PROCR: variants seen among roughly 807,000 people sequenced by gnomAD.
The protein encoded by PROCR is endothelial protein C receptor.
In PROCR, 22 loss-of-function variants were observed where a neutral mutation model predicts 24.2. That is an observed-to-expected ratio of 0.91 (90% CI 0.65 to 1.30). The LOEUF is 1.30. Among genes scored for constraint, PROCR ranks in the 50% most tolerant of loss-of-function variants. The pLI is 0.00. For missense variants in PROCR, 288 were observed against 307.7 expected (o/e 0.94, Z 0.48); for synonymous variants, 137 against 139.2 (o/e 0.98, Z 0.11).
In PROCR at chr20:35,176,459, G is replaced by C; in HGVS notation, c.601+13G>C. 6.2e-7 allele frequency: 1 copy of C among 1,612,810 alleles called. No homozygotes were observed. Among genetic ancestry groups the C allele is most frequent in the Non-Finnish European group, 8.5e-7 (1 of 1,179,218 alleles). ...GAAAACACGAAAGGTATGATGGGAC[G>C]GGGCCCAGGCCTGCAAGCTGGGGAG... On this transcript the variant is annotated intron_variant, in intron 3 of 3. Transcript: ENST00000216968.
chr20:35,176,151 T>G lies in PROCR; in HGVS notation c.323-17T>G. 1 of 1,612,098 alleles carries G rather than the reference T, an allele frequency of 6.2e-7. No homozygotes were observed. Among genetic ancestry groups the G allele is most frequent in the Non-Finnish European group, 8.5e-7 (1 of 1,178,250 alleles). On this transcript the variant is annotated splice_polypyrimidine_tract_variant and intron_variant, in intron 2 of 3. Coordinates refer to ENST00000216968, the MANE Select transcript of PROCR (RefSeq NM_006404.5). ...CCCTCTCTGCACAGTCCCCTGACCC[T>G]GACTGTCTATCCACAGTTCCTCTGA...
At chr20:35,191,151 G>A (rs559875776) in intron 1 of PROCR, among the ~76,000 whole-genome samples, 77 of 152,230 alleles carry the variant, frequency 5.1e-4, no homozygotes, top group African/African-American at 1.8e-3. Flanking sequence ...GAACCACCGT[G>A]CCCAGCAATC....
intron 1 of PROCR, among the ~76,000 whole-genome samples, chr20:35,207,796 C>T (rs990696778): frequency 2.6e-5 from 4 of 152,116 alleles, no homozygotes; most frequent in Non-Finnish European, 4.4e-5. Context: ...TCCCAAAGTG[C>T]TGGGATTACA....
At chr20:35,174,264 C>T in intron 1 of PROCR, 1 of 228,718 alleles carries the variant, frequency 4.4e-6, no homozygotes, top group East Asian at 1.0e-4. Context: ...GAATAGAGAA[C>T]GGGGAGATGA....
intron 1 of PROCR, among the ~76,000 whole-genome samples, chr20:35,206,991 C>G (rs2180568): frequency 0.41 from 62,436 of 152,016 alleles, 13,543 homozygotes; most frequent in East Asian, 0.64. Flanking sequence ...CCATACAATA[C>G]ACTACTACTC....
At chr20:35,214,721 A>AT (rs2060375112) in intron 1 of PROCR, among the ~76,000 whole-genome samples, 1 of 151,478 alleles carries the variant, frequency 6.6e-6, no homozygotes, top group African/African-American at 2.4e-5. Flanking sequence ...AAAAGGCTGC[A>AT]TAGTGTCCCA....
intron 1 of PROCR, among the ~76,000 whole-genome samples, chr20:35,205,126 A>G (rs532548834): frequency 4.6e-5 from 7 of 151,602 alleles, no homozygotes; most frequent in African/African-American, 1.7e-4. Context: ...TACAAAAATT[A>G]GCTGGGTATG....
intron 1 of PROCR, among the ~76,000 whole-genome samples, chr20:35,207,525 C>CTGTTTTGTTT (rs145909947): frequency 0.41 from 61,636 of 150,548 alleles, 13,318 homozygotes; most frequent in East Asian, 0.64. Flanking sequence ...TTAGTTAGGA[C>CTGTTTTGTTT]TGTTTTGTTT....
Position 35,172,138 on chromosome 20 carries a change from G to A in PROCR, c.-17G>A, listed in dbSNP as rs374533868. ...CGGCCCGAGCCAGGAACCCAGGTCC[G>A]GAGCCTCAACTTCAGGATGTTGACA... On this transcript the variant is annotated 5_prime_UTR_variant, in exon 1 of 4. Transcript: ENST00000216968. 204 of 1,613,936 alleles carry A rather than the reference G, an allele frequency of 1.3e-4. No homozygotes were observed. Among genetic ancestry groups the A allele is most frequent in the South Asian group, 1.6e-4 (15 of 91,090 alleles).
chr20:35,195,692 T>G (rs937206040), intron 1 of PROCR, among the ~76,000 whole-genome samples: 3 of 151,224 alleles, frequency 2.0e-5, no homozygotes, highest in African/African-American at 7.3e-5. Flanking sequence ...GTGGTGGTGC[T>G]TGCCTATAAT....
chr20:35,186,056 G>A (rs925191133), intron 1 of PROCR, among the ~76,000 whole-genome samples: 53 of 152,108 alleles, frequency 3.5e-4, no homozygotes, highest in African/African-American at 1.2e-3. Flanking sequence ...CAGCAAGTCC[G>A]CTCCTAGTAT....
intron 1 of PROCR, among the ~76,000 whole-genome samples, chr20:35,199,762 AAC>A (rs1491501323): frequency 6.6e-6 from 1 of 152,056 alleles, no homozygotes; most frequent in African/African-American, 2.4e-5. Flanking sequence ...AAAAAAAAAA[AAC>A]ATTTCATAGG....
chr20:35,205,566 A>G (rs2060335154), intron 1 of PROCR, among the ~76,000 whole-genome samples: 1 of 149,402 alleles, frequency 6.7e-6, no homozygotes, highest in African/African-American at 2.5e-5. Flanking sequence ...AGCCTTACCA[A>G]CGTGGAGAAA....
At chr20:35,204,386 T>C (rs866224762) in intron 1 of PROCR, among the ~76,000 whole-genome samples, 2 of 109,744 alleles carry the variant, frequency 1.8e-5, no homozygotes, top group Non-Finnish European at 3.5e-5. Context: ...CCCTCCCTCC[T>C]TCCTTCCTTC....
intron 1 of PROCR, among the ~76,000 whole-genome samples, chr20:35,185,212 C>T (rs1466181503): frequency 6.6e-6 from 1 of 152,000 alleles, no homozygotes; most frequent in African/African-American, 2.4e-5. Context: ...TAAGAATGGC[C>T]ATAATCAAAT....
At position 35,176,897 on chromosome 20, in the gene PROCR, C is replaced by A. The variant is rs915256716; in HGVS notation, c.*84C>A. 1.3e-5 allele frequency: 21 copies of A among 1,558,078 alleles called. No individual in the cohort carries two copies. In the Admixed American group the frequency reaches 3.9e-4, roughly 29 times the overall value. The stretch of plus-strand genomic sequence containing the variant: ...CAGCTCACTGTGAAGCCAGACTCCC[C>A]AACTGAAACACCAGAAGGTTTGGAG... On this transcript the variant is annotated 3_prime_UTR_variant, in exon 4 of 4. Coordinates refer to ENST00000216968, the MANE Select transcript of PROCR (RefSeq NM_006404.5).
chr20:35,196,697 A>C (rs1232370513), intron 1 of PROCR, among the ~76,000 whole-genome samples: 1 of 152,252 alleles, frequency 6.6e-6, no homozygotes, highest in Non-Finnish European at 1.5e-5. Flanking sequence ...ATTTGTCTCC[A>C]GAACACCTGT....
rs1009652242 is a variant in PROCR, at chr20:35,191,383, A to C, written c.94+14937A>C. On this transcript the variant is annotated intron_variant, in intron 1 of 1. Coordinates refer to the PROCR transcript ENST00000634509. ...TCAGACGCTGTTTTAGGACGTGGGA[A>C]TAGAGCAATATAGCAGAGAACAAAA... 4.6e-5 allele frequency among the ~76,000 whole-genome samples: 7 copies of C among 152,352 alleles called. No homozygotes were observed. In the East Asian group the frequency reaches 1.3e-3, roughly 29 times the overall value.
At chr20:35,205,886 T>C (rs1276584315) in intron 1 of PROCR, among the ~76,000 whole-genome samples, 1 of 146,410 alleles carries the variant, frequency 6.8e-6, no homozygotes, top group Non-Finnish European at 1.5e-5. Context: ...TATATGTATA[T>C]ATGTGTATGA....
Sources: allele counts gnomAD v4.1 joint callset (sites outside exome capture counted in the v4.1 genomes callset), GRCh38; gene constraint gnomAD v4.1.1; transcripts MANE v1.5; gene names NCBI Gene and HGNC (gene_info 2026-07-23, HGNC 2026-07-21).